The following ZFP28 variants were observed in gnomAD, a reference collection of about 807,000 sequenced individuals.
ZFP28 encodes ZFP28 zinc finger protein.
ZFP28 carries 31 observed loss-of-function variants against 39.5 expected under a neutral mutation model. The observed-to-expected ratio is 0.79, with a 90% CI of 0.59 to 1.06. ZFP28 has a LOEUF of 1.06. Among genes scored for constraint, ZFP28 ranks in the 50% least tolerant of loss-of-function variants. The pLI is 0.00. For synonymous variants in ZFP28, 400 were observed against 378.6 expected, an observed-to-expected ratio of 1.06 and a Z score of -0.66; for missense variants, 925 against 1,048.4, an observed-to-expected ratio of 0.88 and a Z score of 1.63.
At position 56,549,097 on chromosome 19, in the gene ZFP28, T is replaced by G; in HGVS notation, c.663T>G (p.Tyr221Ter). 6.2e-7 allele frequency: 1 copy of G among 1,611,894 alleles called. No individual in the cohort carries two copies. The highest frequency in any genetic ancestry group is 8.5e-7 in the Non-Finnish European group (1 of 1,179,186). Residue 221 changes from tyrosine (Y) to a stop codon, truncating the protein, a stop_gained, in exon 5 of 8, where the codon TAT (tyrosine) becomes TAG (stop). Coordinates refer to ENST00000301318, the MANE Select transcript of ZFP28 (RefSeq NM_020828.2). LOFTEE classifies it high-confidence loss of function. ...CTCTGTTAGGGGAACACTGGGATTA[T>G]GATGCTCTGTTTGAGACACAGCCGG... ...EYSLLGEHWD[Y>*]DALFETQPGL...
chr19:56,538,319 A>T (rs1291255374), upstream of ZFP28: 1 of 152,330 alleles, frequency 6.6e-6, no homozygotes, highest in African/African-American at 2.4e-5. Flanking sequence ...GTCGGCAGTG[A>T]CGCTCCCGCA....
chr19:56,555,475 T>C lies in ZFP28; in HGVS notation c.*83T>C. On this transcript the variant is annotated 3_prime_UTR_variant, in exon 8 of 8. Coordinates refer to ENST00000301318, the MANE Select transcript of ZFP28 (RefSeq NM_020828.2). ...CCTTTTGTTTTCTTTTTGTCCCTTA[T>C]TAGTTAGTTCTTCACATAAGTGTAA... The C allele has an allele frequency of 1.6e-6, 1 of 644,324 alleles. No individual in the cohort carries two copies. Among genetic ancestry groups the C allele is most frequent in the Non-Finnish European group, 2.0e-6 (1 of 504,584 alleles). The allele number at this position is 644,324 out of a possible 1,614,324, so 39.9% of individuals were successfully genotyped here. A position where few individuals can be genotyped will look rare whatever the true frequency, so the allele number is the denominator to read the frequency against.
In ZFP28 at chr19:56,554,297, C is replaced by G; in HGVS notation, c.1512C>G (p.Pro504=). The part of the protein sequence containing the change: ...HWRYYHTGEK[P]FDCIDCGKAF... Reference sequence around the variant, plus strand: ...GATACTATCATACTGGGGAGAAACCCTTTGATTGCATCGATTGTGGGAAAG... The same window carrying G: ...GATACTATCATACTGGGGAGAAACCGTTTGATTGCATCGATTGTGGGAAAG... Residue 504 remains proline (P), a synonymous_variant, in exon 8 of 8, where the codon CCC becomes CCG. Coordinates refer to ENST00000301318, the MANE Select transcript of ZFP28 (RefSeq NM_020828.2). This position sits in a 1 kb window ranked among gnomAD's most constrained non-coding sequence, Gnocchi z 6.7. 3 of 1,614,050 alleles carry G rather than the reference C, an allele frequency of 1.9e-6. No individual in the cohort carries two copies. Among genetic ancestry groups the G allele is most frequent in the Non-Finnish European group, 1.7e-6 (2 of 1,180,014 alleles).
chr19:56,538,320 C>G (rs2044153412), upstream of ZFP28: 1 of 152,428 alleles, frequency 6.6e-6, no homozygotes, highest in African/African-American at 2.4e-5. Flanking sequence ...TCGGCAGTGA[C>G]GCTCCCGCAA....
chr19:56,537,941 T>C (rs1292649972), upstream of ZFP28: 1 of 152,066 alleles, frequency 6.6e-6, no homozygotes, highest in Non-Finnish European at 1.5e-5. Context: ...AATAAATCCA[T>C]CAGCTAACTT....
chr19:56,553,698 C>T lies in ZFP28; in HGVS notation c.913C>T (p.His305Tyr). 6.2e-7 allele frequency: 1 copy of T among 1,609,272 alleles called. No individual in the cohort carries two copies. Among genetic ancestry groups the T allele is most frequent in the Admixed American group, 1.7e-5 (1 of 59,334 alleles). ...GSLFSGQRSV[H>Y]ETQELFPKQD... ...GTATCTTTCAGGCCAGCGATCTGTA[C>T]ATGAGACCCAGGAATTATTTCCAAA... The change falls in exon 8 of 8, where the codon CAT becomes TAT. Residue 305 changes from histidine to tyrosine, a missense_variant. His to Tyr is a moderately conservative substitution (Grantham distance 83). This residue lies in a region of ZFP28 where 556 missense variants were observed against 542.9 expected (regional missense o/e 1.02). Coordinates refer to ENST00000301318, the MANE Select transcript of ZFP28 (RefSeq NM_020828.2).
At position 56,547,416 on chromosome 19, in the gene ZFP28, T is replaced by G; in HGVS notation, c.301-92T>G. The G allele has an allele frequency of 6.3e-7, 1 of 1,583,530 alleles. No homozygotes were observed. Among genetic ancestry groups the G allele is most frequent in the Non-Finnish European group, 8.6e-7 (1 of 1,159,304 alleles). On this transcript the variant is annotated intron_variant, in intron 2 of 7. Transcript: ENST00000301318. The surrounding 1 kb of genome is among the most constrained non-coding windows in gnomAD (Gnocchi z 4.6). ...GGATTAGGAGTTTAATGTAGGAGTT[T>G]TGTCAGGGGACACATTTCTTTCTAT...
chr19:56,543,035 A>G (rs750290956), intron 2 of ZFP28, among the ~76,000 whole-genome samples: 3 of 152,188 alleles, frequency 2.0e-5, no homozygotes, highest in Non-Finnish European at 2.9e-5. Context: ...TTATTTTTGG[A>G]TAGAACAGCA....
chr19:56,538,872 C>T (rs935829191), upstream of ZFP28: 3 of 392,028 alleles, frequency 7.7e-6, no homozygotes, highest in South Asian at 3.0e-4. Context: ...CGGCCGGGGG[C>T]GGGGCGGCTC....
intron 7 of ZFP28, chr19:56,552,663 G>C (rs1220339353): frequency 6.6e-6 from 1 of 151,932 alleles, no homozygotes. Flanking sequence ...GCTTAACTTG[G>C]GAATTATCTT....
At chr19:56,549,632 G>C (rs868805736) in intron 5 of ZFP28, among the ~76,000 whole-genome samples, 4 of 151,750 alleles carry the variant, frequency 2.6e-5, no homozygotes, top group Non-Finnish European at 5.9e-5. Flanking sequence ...AGCCGAGATC[G>C]CGCCACTGCA....
chr19:56,553,628 A>ATTCCTTT (rs1412799603), intron 7 of ZFP28, 56 bp from the exon 8 acceptor site: 2 of 1,519,982 alleles, frequency 1.3e-6, no homozygotes, highest in African/African-American at 2.8e-5. Flanking sequence ...CTTTTGGCAG[A>ATTCCTTT]TTCCTTTTTC....
At chr19:56,546,873 C>T (rs1352587371) in intron 2 of ZFP28, 1 of 152,488 alleles carries the variant, frequency 6.6e-6, no homozygotes, top group Non-Finnish European at 1.5e-5. Flanking sequence ...TTGTGGCTGC[C>T]TCCTTTCACC....
chr19:56,547,418 G>C lies in ZFP28; in HGVS notation c.301-90G>C. 3 of 1,588,910 alleles carry C rather than the reference G, an allele frequency of 1.9e-6. No homozygotes were observed. The highest frequency in any genetic ancestry group is 1.3e-5 in the African/African-American group (1 of 74,488). Reference sequence around the variant, plus strand: ...ATTAGGAGTTTAATGTAGGAGTTTTGTCAGGGGACACATTTCTTTCTATAA... The same window carrying C: ...ATTAGGAGTTTAATGTAGGAGTTTTCTCAGGGGACACATTTCTTTCTATAA... On this transcript the variant is annotated intron_variant, in intron 2 of 7. Coordinates refer to ENST00000301318, the MANE Select transcript of ZFP28 (RefSeq NM_020828.2). This position sits in a 1 kb window ranked among gnomAD's most constrained non-coding sequence, Gnocchi z 4.6.
intron 7 of ZFP28, chr19:56,551,081 G>A: frequency 9.2e-7 from 1 of 1,090,478 alleles, no homozygotes; most frequent in Non-Finnish European, 1.1e-6. Context: ...TAATGGAAAG[G>A]ATAAGACATG....
rs763528437 is a variant in ZFP28, at chr19:56,550,115, C to G, written c.736C>G (p.His246Asp). Residue 246 changes from histidine to aspartate, a missense_variant, in exon 6 of 8, where the codon CAC becomes GAC. Physicochemically the swap from His to Asp is moderately conservative, Grantham distance 81. Coordinates refer to ENST00000301318, the MANE Select transcript of ZFP28 (RefSeq NM_020828.2). ...GGCTGTTGACTTCCGCCAGCAGCTA[C>G]ACCCAGCTCAGAAGAATTTCTGTAA... ...NLAVDFRQQL[H>D]PAQKNFCKNG... is the part of the protein sequence containing the mutation. 6.2e-7 allele frequency: 1 copy of G among 1,613,418 alleles called. No individual in the cohort carries two copies. Among genetic ancestry groups the G allele is most frequent in the Non-Finnish European group, 8.5e-7 (1 of 1,179,808 alleles).
At chr19:56,549,199 TACA>T (rs1362179138) in intron 5 of ZFP28, 78 bp downstream of exon 5, 18 of 1,490,134 alleles carry the variant, frequency 1.2e-5, no homozygotes, top group Middle Eastern at 2.1e-4. Flanking sequence ...AGACCATGAC[TACA>T]ACAACTATAA....
In ZFP28 at chr19:56,539,077, C is replaced by A. The variant is rs563829816; in HGVS notation, c.59C>A (p.Ala20Asp). ...REPTPLPGRG[A>D]PRTKPRAGRG... ...CCGACGCCGCTCCCGGGTAGAGGCGCCCCCCGCACAAAGCCCCGGGCGGGC... is the reference window on the plus strand; with the variant it reads ...CCGACGCCGCTCCCGGGTAGAGGCGACCCCCGCACAAAGCCCCGGGCGGGC... Residue 20 changes from alanine (A) to aspartate (D), a missense_variant, in exon 1 of 8, where the codon GCC becomes GAC. Ala to Asp is a moderately radical substitution (Grantham distance 126, BLOSUM62 -2). Around this residue, in one of 2 missense-constraint regions of ZFP28, gnomAD observed 556 missense variants for 542.9 expected, o/e 1.02. Transcript: ENST00000301318. The A allele has an allele frequency of 2.5e-5, 39 of 1,529,904 alleles. No individual in the cohort carries two copies. Among genetic ancestry groups the A allele is most frequent in the Non-Finnish European group, 3.1e-5 (35 of 1,143,654 alleles). 94.8% of individuals were successfully genotyped at this position (1,529,904 alleles called of 1,614,324 possible).
intron 7 of ZFP28, 82 bp from the exon 8 acceptor site, chr19:56,553,602 T>C: frequency 6.7e-7 from 1 of 1,490,496 alleles, no homozygotes; most frequent in South Asian, 1.4e-5. Context: ...ATTAGTGAAT[T>C]AATTCACTAG....
Sources: gnomAD v4.1 joint callset for allele counts (sites outside exome capture counted in the v4.1 genomes callset) on GRCh38, gnomAD v4.1.1 for gene constraint, gnomAD v4.1.1 regional missense constraint, Gnocchi (gnomAD v3.1) non-coding constraint, MANE v1.5 for transcripts, NCBI Gene and HGNC (gene_info 2026-07-23, HGNC 2026-07-21) for gene names.